NCAM1: variants seen among roughly 807,000 people sequenced by gnomAD.
NCAM1 encodes the protein neural cell adhesion molecule 1, also known as antigen recognized by monoclonal antibody 5.1H11.
In NCAM1, 14 loss-of-function variants were observed where a neutral mutation model predicts 109.8. That is an observed-to-expected ratio of 0.13 (90% CI 0.08 to 0.20). The LOEUF (loss-of-function observed/expected upper bound fraction) is 0.20, where lower values mean the gene tolerates loss of function less well. NCAM1 is among the 10% of genes least tolerant of loss of function. The pLI is 1.00. For synonymous variants in NCAM1, 418 were observed against 442.9 expected, an observed-to-expected ratio of 0.94 and a Z score of 0.70; for missense variants, 774 against 1,109.9, an observed-to-expected ratio of 0.70 and a Z score of 4.30.
At chr11:113,128,840 A>T (rs1555097704) in intron 1 of NCAM1, among the ~76,000 whole-genome samples, 1 of 151,730 alleles carries the variant, frequency 6.6e-6, no homozygotes, top group Non-Finnish European at 1.5e-5. Context: ...GTCACTGGGG[A>T]CAGCTGGAAT....
At chr11:113,151,359 A>G (rs566836329) in intron 1 of NCAM1, among the ~76,000 whole-genome samples, 1 of 152,336 alleles carries the variant, frequency 6.6e-6, no homozygotes, top group East Asian at 1.9e-4. Flanking sequence ...TCGGAGCTCA[A>G]GAGAGAAAAT....
chr11:113,010,639 T>C (rs1263924109), intron 1 of NCAM1, among the ~76,000 whole-genome samples: 1 of 152,230 alleles, frequency 6.6e-6, no homozygotes, highest in African/African-American at 2.4e-5. Flanking sequence ...ACCTGCTCTC[T>C]ATTTTTCTTT....
At chr11:113,260,360 G>C in intron 17 of NCAM1, 37 bp downstream of exon 17, 1 of 1,597,034 alleles carries the variant, frequency 6.3e-7, no homozygotes, top group South Asian at 1.1e-5. Flanking sequence ...TTTCCGCTTT[G>C]AATTAATGCA....
chr11:113,204,639 T>C (rs1213169337), intron 3 of NCAM1, 135 bp downstream of exon 3: 5 of 890,566 alleles, frequency 5.6e-6, no homozygotes, highest in Admixed American at 5.3e-5. Flanking sequence ...CCCTAAGTCT[T>C]TTCTGACCTT....
chr11:112,979,607 C>A (rs986425743), intron 1 of NCAM1, among the ~76,000 whole-genome samples: 2 of 151,788 alleles, frequency 1.3e-5, no homozygotes, highest in African/African-American at 4.8e-5. Flanking sequence ...CTCAGGTCGA[C>A]TGGAATCTCC....
At chr11:112,974,094 ATTAATCTGGAAGTCAC>A (rs527930912) in intron 1 of NCAM1, among the ~76,000 whole-genome samples, 33 of 152,080 alleles carry the variant, frequency 2.2e-4, no homozygotes, top group South Asian at 2.1e-4. Flanking sequence ...GTGACACTTC[ATTAATCTGGAAGTCAC>A]TTAATCTGGA....
chr11:113,194,116 T>C (rs1001181699), intron 1 of NCAM1, among the ~76,000 whole-genome samples: 4 of 152,190 alleles, frequency 2.6e-5, no homozygotes, highest in Admixed American at 2.0e-4. Context: ...ATATAATTTA[T>C]TATGCTAAGA....
At chr11:113,020,758 T>C (rs1469599172) in intron 1 of NCAM1, among the ~76,000 whole-genome samples, 1 of 152,126 alleles carries the variant, frequency 6.6e-6, no homozygotes, top group Non-Finnish European at 1.5e-5. Context: ...CTGTTTATTA[T>C]TATTATTATT....
At chr11:112,990,649 T>C (rs1169710006) in intron 1 of NCAM1, among the ~76,000 whole-genome samples, 1 of 152,162 alleles carries the variant, frequency 6.6e-6, no homozygotes, top group Non-Finnish European at 1.5e-5. Context: ...AGCTGAGGTC[T>C]GTAGGTTTAT....
At chr11:113,241,016 G>A (rs1330668766) in intron 14 of NCAM1, among the ~76,000 whole-genome samples, 4 of 152,206 alleles carry the variant, frequency 2.6e-5, no homozygotes, top group Admixed American at 2.6e-4. Flanking sequence ...TCCATGAGGG[G>A]CAGCCTTCCC....
intron 14 of NCAM1, 41 bp downstream of exon 14, chr11:113,235,205 C>A (rs1436681845): frequency 1.6e-5 from 26 of 1,613,488 alleles, no homozygotes; most frequent in Non-Finnish European, 2.0e-5. Context: ...AGCCCACCTT[C>A]TTCTCCCTGG....
chr11:112,982,792 A>G (rs1259449813), intron 1 of NCAM1, among the ~76,000 whole-genome samples: 1 of 151,924 alleles, frequency 6.6e-6, no homozygotes, highest in African/African-American at 2.4e-5. Context: ...TTTTTAAAAA[A>G]GGTAATAGTT....
At chr11:113,263,923 T>C in intron 17 of NCAM1, 1 of 985,542 alleles carries the variant, frequency 1.0e-6, no homozygotes, top group Non-Finnish European at 1.2e-6. Flanking sequence ...TGTCAGTGCT[T>C]CCTGAATGCC....
intron 1 of NCAM1, among the ~76,000 whole-genome samples, chr11:113,058,778 A>C (rs1462651800): frequency 6.6e-6 from 1 of 152,192 alleles, no homozygotes; most frequent in Non-Finnish European, 1.5e-5. Flanking sequence ...AACTGCTTTC[A>C]TAGCCGGCTC....
intron 1 of NCAM1, among the ~76,000 whole-genome samples, chr11:113,035,442 G>T (rs782708292): frequency 1.3e-5 from 2 of 152,134 alleles, no homozygotes; most frequent in Admixed American, 6.5e-5. Context: ...AGGCATTCTC[G>T]TACTATATTG....
chr11:113,158,437 T>A (rs1942490209), intron 1 of NCAM1, among the ~76,000 whole-genome samples: 1 of 152,232 alleles, frequency 6.6e-6, no homozygotes, highest in South Asian at 2.1e-4. Context: ...CCCTGGAGAC[T>A]ATTGTACTTC....
intron 17 of NCAM1, among the ~76,000 whole-genome samples, chr11:113,268,641 G>A (rs904038386): frequency 4.6e-5 from 7 of 152,174 alleles, no homozygotes; most frequent in African/African-American, 1.4e-4. Flanking sequence ...AGAGTGCCTG[G>A]ACAGAGACCC....
At chr11:112,984,027 G>A (rs1951226743) in intron 1 of NCAM1, among the ~76,000 whole-genome samples, 2 of 151,844 alleles carry the variant, frequency 1.3e-5, no homozygotes, top group Non-Finnish European at 2.9e-5. Context: ...TTGCAACTTT[G>A]TACCCTTTGA....
intron 1 of NCAM1, among the ~76,000 whole-genome samples, chr11:112,969,074 C>G (rs1950804098): frequency 6.6e-6 from 1 of 152,096 alleles, no homozygotes; most frequent in Admixed American, 6.5e-5. Context: ...AGAAAGGAAG[C>G]AATTAATTCT....
Sources: gnomAD v4.1 joint callset for allele counts (sites outside exome capture counted in the v4.1 genomes callset) on GRCh38, gnomAD v4.1.1 for gene constraint, MANE v1.5 for transcripts, NCBI Gene and HGNC (gene_info 2026-07-23, HGNC 2026-07-21) for gene names.